Variants in LTN1 observed in about 807,000 individuals in gnomAD.
LTN1 encodes the protein listerin E3 ubiquitin protein ligase 1, also known as E3 ubiquitin-protein ligase listerin.
LTN1 carries 88 observed loss-of-function variants against 201.2 expected under a neutral mutation model. The observed-to-expected ratio is 0.44, with a 90% CI of 0.37 to 0.52. The LOEUF (loss-of-function observed/expected upper bound fraction) is 0.52, where lower values mean the gene tolerates loss of function less well. LTN1 is among the 20% of genes least tolerant of loss of function. LTN1 has a pLI of 0.00. For missense variants in LTN1, 1,752 were observed against 2,038.7 expected (o/e 0.86, Z 2.71); for synonymous variants, 645 against 713.5 (o/e 0.90, Z 1.53).
intron 9 of LTN1, chr21:28,968,016 AGAAG>A (rs1391344857): frequency 6.6e-6 from 1 of 152,204 alleles, no homozygotes; most frequent in Non-Finnish European, 1.5e-5. Flanking sequence ...TTCCACTCAC[AGAAG>A]GTAAAAAATT....
chr21:28,979,822 A>G (rs907633816), intron 6 of LTN1, among the ~76,000 whole-genome samples: 2 of 152,004 alleles, frequency 1.3e-5, no homozygotes, highest in Admixed American at 1.3e-4. Context: ...ATATTTAAAA[A>G]TCAGCCGGGC....
chr21:28,971,201 C>T, intron 7 of LTN1, 70 bp downstream of exon 7: 6 of 1,234,668 alleles, frequency 4.9e-6, no homozygotes, highest in Non-Finnish European at 6.7e-6. Flanking sequence ...AGCATTTTCC[C>T]AGTAAGTTTT....
At chr21:28,978,037 GA>G (rs1189946507) in intron 6 of LTN1, among the ~76,000 whole-genome samples, 2 of 151,674 alleles carry the variant, frequency 1.3e-5, no homozygotes, top group Non-Finnish European at 1.5e-5. Flanking sequence ...CTGAATGTAT[GA>G]TTTTTTTTTT....
In LTN1 at chr21:28,992,755, C is replaced by T; in HGVS notation, c.42+9G>A. The T allele has an allele frequency of 6.2e-7, 1 of 1,614,096 alleles. No homozygotes were observed. Among genetic ancestry groups the T allele is most frequent in the Non-Finnish European group, 8.5e-7 (1 of 1,179,982 alleles). ...GGCTCCCGGGTCGGCCGAGCCAGCC[C>T]CCGCTCACCCTCAGGTTCCCTTTAG... On this transcript the variant is annotated intron_variant, in intron 1 of 29. Transcript: ENST00000361371.
rs187111721 is a variant in LTN1 at position 28,986,558 on chromosome 21, C to T, written c.246+173G>A. The T allele has an allele frequency of 3.8e-5, 25 of 657,706 alleles. No homozygotes were observed. The highest frequency in any genetic ancestry group is 5.5e-5 in the African/African-American group (3 of 54,806). 40.7% of individuals were successfully genotyped at this position (657,706 alleles called of 1,614,324 possible). A position where few individuals can be genotyped will look rare whatever the true frequency, so the allele number is the denominator to read the frequency against. On this transcript the variant is annotated intron_variant, in intron 2 of 29. Coordinates refer to ENST00000361371, the MANE Select transcript of LTN1 (RefSeq NM_015565.3). This position sits in a 1 kb window ranked among gnomAD's most constrained non-coding sequence, Gnocchi z 4.1. ...AAGTTCACTGTAACAAACTAATTTACGACCTAGAAAATAAATATCAACTAA... is the reference window on the plus strand; with the variant it reads ...AAGTTCACTGTAACAAACTAATTTATGACCTAGAAAATAAATATCAACTAA...
intron 4 of LTN1, among the ~76,000 whole-genome samples, chr21:28,982,772 A>C (rs537013605): frequency 1.1e-4 from 16 of 152,220 alleles, no homozygotes; most frequent in Non-Finnish European, 2.1e-4. Context: ...TGAGGTTTTC[A>C]AATATACGGA....
chr21:28,975,111 A>G (rs1230709532), intron 6 of LTN1, among the ~76,000 whole-genome samples: 1 of 152,232 alleles, frequency 6.6e-6, no homozygotes, highest in Non-Finnish European at 1.5e-5. Context: ...GTCTCATCAC[A>G]AAGGATAAGA....
intron 6 of LTN1, among the ~76,000 whole-genome samples, chr21:28,972,844 G>A (rs1428563161): frequency 6.6e-6 from 1 of 152,074 alleles, no homozygotes; most frequent in Non-Finnish European, 1.5e-5. Flanking sequence ...ATACATAAAG[G>A]AAATCCACAC....
At chr21:28,943,109 A>G (rs1447552962) in intron 24 of LTN1, among the ~76,000 whole-genome samples, 153 bp downstream of exon 24, 2 of 152,232 alleles carry the variant, frequency 1.3e-5, no homozygotes, top group Admixed American at 1.3e-4. Context: ...GGTGAAATCT[A>G]TATTTCATTT....
At chr21:28,938,459 C>T (rs1208472068) in intron 25 of LTN1, among the ~76,000 whole-genome samples, 1 of 152,140 alleles carries the variant, frequency 6.6e-6, no homozygotes, top group Non-Finnish European at 1.5e-5. Flanking sequence ...ATTCTTCCAA[C>T]TTCATTGTTT....
intron 27 of LTN1, among the ~76,000 whole-genome samples, chr21:28,932,954 A>G (rs571747431): frequency 2.0e-5 from 3 of 152,342 alleles, no homozygotes; most frequent in South Asian, 2.1e-4. Flanking sequence ...CCTTGAATAG[A>G]TAAGTGACAG....
At chr21:28,959,795 G>A in intron 12 of LTN1, 98 bp from the exon 13 acceptor site, 1 of 1,087,792 alleles carries the variant, frequency 9.2e-7, no homozygotes, top group South Asian at 1.7e-5. Context: ...GTCTTTCCTG[G>A]ATTTTAAAAT....
chr21:28,933,787 C>T (rs2084231791), intron 27 of LTN1, among the ~76,000 whole-genome samples: 1 of 151,892 alleles, frequency 6.6e-6, no homozygotes, highest in Non-Finnish European at 1.5e-5. Context: ...AAAAATTCTC[C>T]TACCTCAGCC....
At chr21:28,944,055 A>G (rs185059391) in intron 22 of LTN1, 151 bp from the exon 23 acceptor site, 1 of 628,092 alleles carries the variant, frequency 1.6e-6, no homozygotes, top group African/African-American at 1.8e-5. Context: ...TGAACTGAAT[A>G]TATATTCCAG....
intron 1 of LTN1, among the ~76,000 whole-genome samples, chr21:28,989,637 C>G (rs1267979068): frequency 6.6e-6 from 1 of 152,184 alleles, no homozygotes; most frequent in Non-Finnish European, 1.5e-5. Flanking sequence ...GCCACTCTTT[C>G]CTTCCCTTGC....
chr21:28,969,816 A>G (rs2146302301), intron 8 of LTN1, among the ~76,000 whole-genome samples: 4 of 152,304 alleles, frequency 2.6e-5, no homozygotes, highest in Admixed American at 2.6e-4. Flanking sequence ...ATGTATCAGT[A>G]AAAAATAAAA....
chr21:28,941,842 A>G (rs1400124652), intron 24 of LTN1, among the ~76,000 whole-genome samples: 1 of 152,218 alleles, frequency 6.6e-6, no homozygotes, highest in Non-Finnish European at 1.5e-5. Flanking sequence ...ACTTAGTACT[A>G]TTAAGAAATA....
At chr21:28,984,652 T>TA (rs753338701) in intron 4 of LTN1, 40 bp downstream of exon 4, 56,855 of 1,056,230 alleles carry the variant, frequency 0.054, 9 homozygotes, top group Non-Finnish European at 0.061. Flanking sequence ...CTTAAATACT[T>TA]AAAAAAAAAA....
At chr21:28,984,596 T>C (rs2084682586) in intron 4 of LTN1, 96 bp downstream of exon 4, 1 of 804,202 alleles carries the variant, frequency 1.2e-6, no homozygotes. Flanking sequence ...TACTTACTCA[T>C]TCCCCTACAA....
Sources: allele counts gnomAD v4.1 joint callset (sites outside exome capture counted in the v4.1 genomes callset), GRCh38; gene constraint gnomAD v4.1.1; non-coding constraint Gnocchi (gnomAD v3.1); transcripts MANE v1.5; gene names NCBI Gene and HGNC (gene_info 2026-07-23, HGNC 2026-07-21).